Variants in HORMAD2 observed in about 807,000 individuals in gnomAD.
HORMAD2 encodes HORMA domain-containing protein 2.
A neutral mutation model predicts 38.8 loss-of-function variants in HORMAD2; 45 were observed. The observed-to-expected ratio is 1.16, with a 90% CI of 0.91 to 1.49. The LOEUF (loss-of-function observed/expected upper bound fraction) is 1.49. HORMAD2 is among the 40% of genes most tolerant of loss of function. HORMAD2 has a pLI of 0.00. For missense variants in HORMAD2, 338 were observed against 367.0 expected, an observed-to-expected ratio of 0.92 and a Z score of 0.65; for synonymous variants, 126 against 122.8, an observed-to-expected ratio of 1.03 and a Z score of -0.17.
chr22:30,201,442 G>A, the HORMAD2 span, among the ~76,000 whole-genome samples: 2 of 139,924 alleles, frequency 1.4e-5, no homozygotes, highest in African/African-American at 5.3e-5. Context: ...TTTCCAAGAC[G>A]GATTCTCGCT....
chr22:30,140,696 G>T (rs1924012245), intron 10 of HORMAD2, among the ~76,000 whole-genome samples: 1 of 152,092 alleles, frequency 6.6e-6, no homozygotes, highest in African/African-American at 2.4e-5. Context: ...CTGGCTAAAG[G>T]TTTGTCAATT....
At chr22:30,180,763 C>G (rs1467650885), downstream of HORMAD2, among the ~76,000 whole-genome samples, 1 of 150,792 alleles carries the variant, frequency 6.6e-6, no homozygotes, top group African/African-American at 2.4e-5. Context: ...TTCTTTCTTC[C>G]CCTTCCCTTC....
At chr22:30,142,550 T>G (rs1001570667) in intron 10 of HORMAD2, among the ~76,000 whole-genome samples, 2 of 152,136 alleles carry the variant, frequency 1.3e-5, no homozygotes, top group Non-Finnish European at 2.9e-5. Context: ...TAACATTAGG[T>G]GCATATATTT....
chr22:30,092,345 C>CTT (rs34673975), intron 1 of HORMAD2, among the ~76,000 whole-genome samples: 2,263 of 107,844 alleles, frequency 0.021, 53 homozygotes, highest in South Asian at 0.059. Flanking sequence ...AGATCCTTTG[C>CTT]TTTTTTTTTT....
the HORMAD2 span, among the ~76,000 whole-genome samples, chr22:30,192,999 A>T: frequency 1.3e-5 from 2 of 152,240 alleles, no homozygotes; most frequent in Non-Finnish European, 2.9e-5. Flanking sequence ...ATAATATGAA[A>T]CTGGAAGAGA....
At chr22:30,126,916 T>C (rs1421301867) in intron 10 of HORMAD2, among the ~76,000 whole-genome samples, 2 of 152,170 alleles carry the variant, frequency 1.3e-5, no homozygotes, top group Non-Finnish European at 2.9e-5. Flanking sequence ...GTTGTTTTAA[T>C]TTATTTAATT....
chr22:30,122,053 G>A lies in HORMAD2; in HGVS notation c.658G>A (p.Val220Met). ...LFDKEPINVQVGFVSTGFHSM... is the reference protein window; with the variant it reads ...LFDKEPINVQMGFVSTGFHSM... ...TGACAAGGAGCCTATCAACGTGCAAGTGGGATTTGTCTCCACTGGCTTTCA... is the reference window on the plus strand; with the variant it reads ...TGACAAGGAGCCTATCAACGTGCAAATGGGATTTGTCTCCACTGGCTTTCA... Residue 220 changes from valine (V) to methionine (M), a missense_variant, in exon 10 of 11, where the codon GTG (valine) becomes ATG (methionine). Transcript: ENST00000336726. The A allele has an allele frequency of 6.2e-7, 1 of 1,613,620 alleles. No individual in the cohort carries two copies. Among genetic ancestry groups the A allele is most frequent in the Non-Finnish European group, 8.5e-7 (1 of 1,179,738 alleles).
intron 5 of HORMAD2, among the ~76,000 whole-genome samples, chr22:30,107,586 T>C (rs561443268): frequency 6.6e-6 from 1 of 152,004 alleles, no homozygotes; most frequent in African/African-American, 2.4e-5. Flanking sequence ...CTGTCTCTGC[T>C]ATAAATACAA....
chr22:30,078,809 C>T (rs1010144284), upstream of HORMAD2, among the ~76,000 whole-genome samples: 1 of 151,818 alleles, frequency 6.6e-6, no homozygotes, highest in Admixed American at 6.6e-5. Context: ...GCACAGAGGG[C>T]CTAGTGATCC....
intron 5 of HORMAD2, among the ~76,000 whole-genome samples, chr22:30,106,247 G>A (rs572110326): frequency 6.6e-6 from 1 of 152,256 alleles, no homozygotes; most frequent in African/African-American, 2.4e-5. Context: ...CTGACCTCAA[G>A]TGATCTGCCC....
intron 10 of HORMAD2, among the ~76,000 whole-genome samples, chr22:30,161,120 T>C (rs565858431): frequency 2.0e-5 from 3 of 152,360 alleles, no homozygotes; most frequent in African/African-American, 7.2e-5. Flanking sequence ...TGTTATCTAC[T>C]TTGGTCTCTC....
chr22:30,104,653 C>T (rs1921054639), intron 5 of HORMAD2: 1 of 403,184 alleles, frequency 2.5e-6, no homozygotes, highest in Admixed American at 4.5e-5. Flanking sequence ...TACATACTCA[C>T]ATTTTTTGAC....
At chr22:30,100,821 CAT>C (rs1920937884) in intron 3 of HORMAD2, among the ~76,000 whole-genome samples, 5 of 152,082 alleles carry the variant, frequency 3.3e-5, no homozygotes, top group African/African-American at 7.2e-5. Context: ...AGCCAACAAA[CAT>C]ATGAAAAAAA....
At position 30,176,201 on chromosome 22, in the gene HORMAD2, TAA is replaced by T. The variant is rs753801265; in HGVS notation, c.*35_*36del. ...TATTCCTTCTACATTTATTTTAAAATAAGTTTATTTTGTAAAAACATGCATAA... is the reference window on the plus strand; with the variant it reads ...TATTCCTTCTACATTTATTTTAAAATGTTTATTTTGTAAAAACATGCATAA... On this transcript the variant is annotated 3_prime_UTR_variant, in exon 11 of 11. Transcript: ENST00000336726. 1.5e-6 allele frequency: 2 copies of T among 1,347,442 alleles called. No individual in the cohort carries two copies. Among genetic ancestry groups the T allele is most frequent in the South Asian group, 1.2e-5 (1 of 83,640 alleles). 83.5% of individuals were successfully genotyped at this position (1,347,442 alleles called of 1,614,324 possible). A position where few individuals can be genotyped will look rare whatever the true frequency, so the allele number is the denominator to read the frequency against.
At chr22:30,190,901 A>G in the HORMAD2 span, among the ~76,000 whole-genome samples, 1 of 152,240 alleles carries the variant, frequency 6.6e-6, no homozygotes, top group South Asian at 2.1e-4. Flanking sequence ...CAAAGCTAAT[A>G]GCCAACTGAA....
intron 10 of HORMAD2, among the ~76,000 whole-genome samples, chr22:30,164,897 A>G (rs1008116931): frequency 1.3e-5 from 2 of 152,228 alleles, no homozygotes; most frequent in Non-Finnish European, 2.9e-5. Flanking sequence ...CTCTCATTCC[A>G]TGGGTTGCCT....
At chr22:30,116,516 G>A (rs1922055832) in intron 7 of HORMAD2, among the ~76,000 whole-genome samples, 1 of 152,134 alleles carries the variant, frequency 6.6e-6, no homozygotes, top group Admixed American at 6.6e-5. Context: ...TGCTGCTTTG[G>A]CCTATGTGAC....
intron 10 of HORMAD2, among the ~76,000 whole-genome samples, chr22:30,123,485 C>A (rs1018864818): frequency 9.9e-5 from 15 of 152,144 alleles, no homozygotes; most frequent in Admixed American, 8.5e-4. Flanking sequence ...CATGCCACCA[C>A]ACCTGGCTAA....
intron 2 of HORMAD2, among the ~76,000 whole-genome samples, chr22:30,098,524 A>G (rs1420134376): frequency 6.6e-6 from 1 of 152,182 alleles, no homozygotes; most frequent in Non-Finnish European, 1.5e-5. Context: ...AAAGGAAAGG[A>G]GGAAAATCCA....
Sources: allele counts gnomAD v4.1 joint callset (sites outside exome capture counted in the v4.1 genomes callset), GRCh38; gene constraint gnomAD v4.1.1; transcripts MANE v1.5; gene names NCBI Gene and HGNC (gene_info 2026-07-23, HGNC 2026-07-21).